Variants in ZNRF2 observed in about 807,000 individuals in gnomAD.
The protein encoded by ZNRF2 is zinc and ring finger 2, also known as E3 ubiquitin-protein ligase ZNRF2.
Under a neutral mutation model 20.4 loss-of-function variants are expected in ZNRF2, and 16 were observed. That is an observed-to-expected ratio of 0.79 (90% CI 0.53 to 1.19). The LOEUF (loss-of-function observed/expected upper bound fraction) is 1.19, where lower values mean the gene tolerates loss of function less well. ZNRF2 is among the 50% of genes most tolerant of loss of function. ZNRF2 has a pLI of 0.00. For missense variants in ZNRF2, 363 were observed against 332.4 expected, an observed-to-expected ratio of 1.09 and a Z score of -0.72; for synonymous variants, 178 against 144.9, an observed-to-expected ratio of 1.23 and a Z score of -1.64.
chr7:30,292,656 C>T (rs1798932177), intron 1 of ZNRF2, among the ~76,000 whole-genome samples: 1 of 151,884 alleles, frequency 6.6e-6, no homozygotes, highest in Admixed American at 6.6e-5. Flanking sequence ...GACAAGGTGA[C>T]AATTCAAGCA....
At chr7:30,297,690 G>T (rs1004002179) in intron 1 of ZNRF2, among the ~76,000 whole-genome samples, 1 of 150,804 alleles carries the variant, frequency 6.6e-6, no homozygotes, top group African/African-American at 2.4e-5. Flanking sequence ...TTCATTCATT[G>T]TGCAGCATAT....
chr7:30,327,959 A>C (rs1799580001), intron 2 of ZNRF2, among the ~76,000 whole-genome samples: 1 of 152,146 alleles, frequency 6.6e-6, no homozygotes. Flanking sequence ...TCTTAATAAA[A>C]ACCGTGTATA....
chr7:30,299,128 TA>T (rs1196999285), intron 1 of ZNRF2, among the ~76,000 whole-genome samples: 1 of 152,146 alleles, frequency 6.6e-6, no homozygotes, highest in South Asian at 2.1e-4. Flanking sequence ...TTCACTCCTA[TA>T]AAAATTTGGA....
At chr7:30,341,313 T>C (rs1454845412) in intron 2 of ZNRF2, among the ~76,000 whole-genome samples, 1 of 152,168 alleles carries the variant, frequency 6.6e-6, no homozygotes, top group Non-Finnish European at 1.5e-5. Flanking sequence ...CTCTAGTTCT[T>C]TTAATTTTGA....
chr7:30,294,577 G>C (rs1283417171), intron 1 of ZNRF2, among the ~76,000 whole-genome samples: 1 of 152,146 alleles, frequency 6.6e-6, no homozygotes, highest in Non-Finnish European at 1.5e-5. Flanking sequence ...GAGGTCAGGA[G>C]TTCGAGACCA....
chr7:30,285,368 A>G lies in ZNRF2; in HGVS notation c.11A>G (p.Lys4Arg). 1 of 1,210,314 alleles carries G rather than the reference A, an allele frequency of 8.3e-7. No individual in the cohort carries two copies. The highest frequency in any genetic ancestry group is 1.0e-6 in the Non-Finnish European group (1 of 959,510). 75.0% of individuals were successfully genotyped at this position (1,210,314 alleles called of 1,614,324 possible). Residue 4 changes from lysine (K) to arginine (R), a missense_variant, in exon 1 of 5, where the codon AAA becomes AGA. Physicochemically the swap from Lys to Arg is conservative, Grantham distance 26 (BLOSUM62 2). This residue lies in a region of ZNRF2 where 302 missense variants were observed against 231.5 expected (regional missense o/e 1.30). Coordinates refer to ENST00000323037, the MANE Select transcript of ZNRF2 (RefSeq NM_147128.4). The part of the protein sequence containing the change: MGA[K>R]QSGPAAANGR... ...CGGGGCAGGGCGGACATGGGCGCCA[A>G]ACAGAGCGGCCCGGCCGCCGCTAAC...
intron 3 of ZNRF2, among the ~76,000 whole-genome samples, chr7:30,362,111 T>C (rs754828372): frequency 1.3e-5 from 2 of 152,182 alleles, no homozygotes; most frequent in Non-Finnish European, 2.9e-5. Flanking sequence ...ATTGGTAAAG[T>C]GGTAGTTCAG....
chr7:30,298,244 G>C (rs1799050246), intron 1 of ZNRF2, among the ~76,000 whole-genome samples: 1 of 152,002 alleles, frequency 6.6e-6, no homozygotes, highest in African/African-American at 2.4e-5. Context: ...ATATGTATGT[G>C]TATGTATATA....
chr7:30,301,699 TTAAA>T (rs1378195400), intron 1 of ZNRF2, among the ~76,000 whole-genome samples: 7 of 126,366 alleles, frequency 5.5e-5, no homozygotes, highest in South Asian at 2.5e-4. Context: ...GAGGCTTTTT[TTAAA>T]AAAAAAAAAA....
chr7:30,311,807 T>A (rs1799296392), intron 1 of ZNRF2, among the ~76,000 whole-genome samples: 1 of 152,154 alleles, frequency 6.6e-6, no homozygotes, highest in Non-Finnish European at 1.5e-5. Flanking sequence ...TCGGCAAAAT[T>A]TTATCTACGT....
At chr7:30,286,711 A>G (rs1798796883) in intron 1 of ZNRF2, among the ~76,000 whole-genome samples, 2 of 152,366 alleles carry the variant, frequency 1.3e-5, no homozygotes, top group African/African-American at 4.8e-5. Context: ...CAAAACGCTA[A>G]TAGTAAATGA....
At chr7:30,295,050 A>AGAGGGTGT (rs1412764480) in intron 1 of ZNRF2, among the ~76,000 whole-genome samples, 1 of 38,238 alleles carries the variant, frequency 2.6e-5, no homozygotes, top group Non-Finnish European at 4.8e-5. Context: ...AGAGAGAGAG[A>AGAGGGTGT]GTGTGTGTGT....
chr7:30,289,797 T>C (rs1178051847), intron 1 of ZNRF2: 15 of 534,396 alleles, frequency 2.8e-5, no homozygotes, highest in Non-Finnish European at 5.0e-5. Context: ...GGTATTTTGA[T>C]GCTTTGCTGG....
intron 1 of ZNRF2, among the ~76,000 whole-genome samples, chr7:30,307,452 G>T (rs761543828): frequency 2.8e-5 from 4 of 141,066 alleles, no homozygotes; most frequent in Non-Finnish European, 4.5e-5. Flanking sequence ...CCCAAATTTT[G>T]CCAGGTAGAT....
At chr7:30,311,791 CAG>C (rs889001820) in intron 1 of ZNRF2, among the ~76,000 whole-genome samples, 10 of 152,208 alleles carry the variant, frequency 6.6e-5, no homozygotes, top group Admixed American at 5.9e-4. Flanking sequence ...TGAGTGCAAA[CAG>C]TAGTCGGCAA....
At chr7:30,363,623 C>CA (rs1800162687) in intron 4 of ZNRF2, among the ~76,000 whole-genome samples, 2 of 151,514 alleles carry the variant, frequency 1.3e-5, no homozygotes. Flanking sequence ...ATATAGTAGG[C>CA]AAAAAATAAA....
chr7:30,331,253 A>T (rs1320276052), intron 2 of ZNRF2, among the ~76,000 whole-genome samples: 1 of 152,180 alleles, frequency 6.6e-6, no homozygotes, highest in Non-Finnish European at 1.5e-5. Flanking sequence ...GTAAGCAGAT[A>T]TGAGAATTAT....
At chr7:30,323,825 G>A in intron 2 of ZNRF2, 88 bp downstream of exon 2, 1 of 898,640 alleles carries the variant, frequency 1.1e-6, no homozygotes. Context: ...TTAAAAGGAG[G>A]GAAGGACATT....
chr7:30,350,505 A>T (rs1184110462), intron 2 of ZNRF2, among the ~76,000 whole-genome samples: 1 of 152,030 alleles, frequency 6.6e-6, no homozygotes, highest in East Asian at 1.9e-4. Flanking sequence ...TTTTACTGAT[A>T]TATTTATCTT....
Sources: allele counts gnomAD v4.1 joint callset (sites outside exome capture counted in the v4.1 genomes callset), GRCh38; gene constraint gnomAD v4.1.1; regional missense constraint gnomAD v4.1.1; transcripts MANE v1.5; gene names NCBI Gene and HGNC (gene_info 2026-07-23, HGNC 2026-07-21).